The following CA10 variants were observed in gnomAD, a reference collection of about 807,000 sequenced individuals.
CA10 encodes carbonic anhydrase-related protein 10.
A neutral mutation model predicts 44.2 loss-of-function variants in CA10; 14 were observed. The observed-to-expected ratio is 0.32, with a 90% confidence interval of 0.21 to 0.50. The LOEUF is 0.50. Ranked by LOEUF, CA10 falls within the 20% of genes least tolerant of loss-of-function variation. The probability of loss-of-function intolerance (pLI) is 0.99; values close to 1 mark genes in which losing one functional copy is unlikely to be tolerated. For synonymous variants in CA10, 159 were observed against 141.6 expected (o/e 1.12, Z -0.87); for missense variants, 350 against 409.7 (o/e 0.85, Z 1.26).
chr17:51,849,233 G>GTATATATATATATATA (rs1217693250), intron 3 of CA10, among the ~76,000 whole-genome samples: 80 of 39,830 alleles, frequency 2.0e-3, no homozygotes, highest in Admixed American at 4.5e-3. Context: ...ATATGTGTGT[G>GTATATATATATATATA]TATATATATA....
At chr17:51,988,817 TG>T (rs1459877443) in intron 2 of CA10, among the ~76,000 whole-genome samples, 3 of 152,032 alleles carry the variant, frequency 2.0e-5, no homozygotes, top group Non-Finnish European at 4.4e-5. Flanking sequence ...GTATGCACAT[TG>T]AAAAAAATGT....
At chr17:51,861,946 A>G (rs1979329986) in intron 3 of CA10, among the ~76,000 whole-genome samples, 1 of 152,230 alleles carries the variant, frequency 6.6e-6, no homozygotes, top group Admixed American at 6.5e-5. Flanking sequence ...TAAGGCTAGA[A>G]AGGGTTCAAG....
intron 2 of CA10, among the ~76,000 whole-genome samples, chr17:51,958,150 C>T (rs1376477502): frequency 6.6e-6 from 1 of 151,886 alleles, no homozygotes; most frequent in East Asian, 1.9e-4. Context: ...ACGTATGTAG[C>T]TGCAAAGAAA....
intron 3 of CA10, among the ~76,000 whole-genome samples, chr17:51,810,335 TTAAG>T (rs751416429): frequency 4.6e-5 from 7 of 152,178 alleles, no homozygotes; most frequent in South Asian, 2.1e-4. Context: ...ATTGAGTTAA[TTAAG>T]TGATTTTTTT....
intron 2 of CA10, among the ~76,000 whole-genome samples, chr17:51,963,853 A>G (rs1983982805): frequency 6.6e-6 from 1 of 152,180 alleles, no homozygotes; most frequent in Non-Finnish European, 1.5e-5. Flanking sequence ...AAGCAACCAA[A>G]CAATAGAAAC....
intron 4 of CA10, among the ~76,000 whole-genome samples, chr17:51,679,450 A>C (rs1034344377): frequency 2.0e-5 from 3 of 151,530 alleles, no homozygotes; most frequent in African/African-American, 7.3e-5. Context: ...TTTAGTAGAG[A>C]TGGGGTTTCA....
intron 3 of CA10, among the ~76,000 whole-genome samples, chr17:51,835,285 G>A (rs1168767113): frequency 6.6e-6 from 1 of 152,184 alleles, no homozygotes; most frequent in Non-Finnish European, 1.5e-5. Context: ...TCAGCAGCAG[G>A]CAGCAAGGTT....
At chr17:51,840,549 G>A (rs2143803662) in intron 3 of CA10, among the ~76,000 whole-genome samples, 1 of 151,882 alleles carries the variant, frequency 6.6e-6, no homozygotes, top group South Asian at 2.1e-4. Context: ...TAATAACACA[G>A]AGTTGGTAGG....
chr17:51,670,355 A>T (rs1427803873), intron 4 of CA10, among the ~76,000 whole-genome samples: 1 of 152,142 alleles, frequency 6.6e-6, no homozygotes, highest in Non-Finnish European at 1.5e-5. Context: ...GGGGAAACTG[A>T]AGTGGGGGAG....
intron 2 of CA10, among the ~76,000 whole-genome samples, chr17:52,008,059 GTC>G (rs1399924898): frequency 5.3e-5 from 8 of 151,400 alleles, no homozygotes; most frequent in African/African-American, 9.7e-5. Flanking sequence ...TACTCATTCA[GTC>G]TCTCTTTTTT....
chr17:51,700,651 T>C lies in CA10; in HGVS notation c.466-46915A>G, dbSNP rs536797583. On this transcript the variant is annotated intron_variant, in intron 4 of 8. Transcript: ENST00000451037. Reference sequence around the variant, plus strand: ...GTATGCTTCCCTTGCCTGCCTAACCTCTCCTTCCTAATCCTTCTCACCTGT... The same window carrying C: ...GTATGCTTCCCTTGCCTGCCTAACCCCTCCTTCCTAATCCTTCTCACCTGT... 2.6e-5 allele frequency among the ~76,000 whole-genome samples: 4 copies of C among 152,178 alleles called. No homozygotes were observed. The East Asian group carries it at 7.7e-4, about 29-fold the overall frequency.
At chr17:51,856,854 G>T (rs962350284) in intron 3 of CA10, among the ~76,000 whole-genome samples, 1 of 152,124 alleles carries the variant, frequency 6.6e-6, no homozygotes, top group African/African-American at 2.4e-5. Flanking sequence ...CTGATAAAAT[G>T]GTTCTACATG....
chr17:51,901,547 T>A (rs936007297), intron 3 of CA10, among the ~76,000 whole-genome samples: 1 of 152,002 alleles, frequency 6.6e-6, no homozygotes, highest in African/African-American at 2.4e-5. Flanking sequence ...AAGGTACCAG[T>A]GGGAGTAGGG....
chr17:51,635,596 C>A (rs1312757127), intron 7 of CA10, among the ~76,000 whole-genome samples: 1 of 152,104 alleles, frequency 6.6e-6, no homozygotes, highest in African/African-American at 2.4e-5. Context: ...GTCAGCAAAC[C>A]ACTAGAAGCT....
chr17:52,090,938 T>C (rs1217912938), intron 1 of CA10, among the ~76,000 whole-genome samples: 1 of 152,116 alleles, frequency 6.6e-6, no homozygotes, highest in African/African-American at 2.4e-5. Context: ...TTTATGTAAA[T>C]AGCTGCTGAC....
intron 2 of CA10, among the ~76,000 whole-genome samples, chr17:52,066,435 C>T (rs570506872): frequency 1.4e-4 from 21 of 152,312 alleles, no homozygotes; most frequent in African/African-American, 2.4e-4. Context: ...CACATGTCAA[C>T]GGCAGGGCCA....
intron 1 of CA10, among the ~76,000 whole-genome samples, chr17:52,101,804 T>C (rs1988546367): frequency 1.3e-5 from 2 of 152,288 alleles, no homozygotes; most frequent in South Asian, 4.1e-4. Context: ...TCCTAGGGTA[T>C]AGATAAAATC....
At chr17:51,844,489 A>T (rs1978404932) in intron 3 of CA10, among the ~76,000 whole-genome samples, 1 of 152,176 alleles carries the variant, frequency 6.6e-6, no homozygotes, top group South Asian at 2.1e-4. Flanking sequence ...CCAAGTCAAA[A>T]TATTTTCACT....
chr17:52,009,411 C>G (rs542373159), intron 2 of CA10, among the ~76,000 whole-genome samples: 1 of 151,994 alleles, frequency 6.6e-6, no homozygotes, highest in South Asian at 2.1e-4. Context: ...CACTTGTTTG[C>G]CTTTTAATTA....
Sources: gnomAD v4.1 joint callset for allele counts (sites outside exome capture counted in the v4.1 genomes callset) on GRCh38, gnomAD v4.1.1 for gene constraint, MANE v1.5 for transcripts, NCBI Gene and HGNC (gene_info 2026-07-23, HGNC 2026-07-21) for gene names.